IGSF11: variants seen among roughly 807,000 people sequenced by gnomAD.
IGSF11 encodes the protein immunoglobulin superfamily member 11.
A neutral mutation model predicts 41.0 loss-of-function variants in IGSF11; 22 were observed. The observed-to-expected ratio is 0.54, with a 90% CI of 0.38 to 0.77. IGSF11 has a LOEUF of 0.77. IGSF11 is among the 30% of genes least tolerant of loss of function. IGSF11 has a pLI of 0.00. For synonymous variants in IGSF11, 219 were observed against 201.3 expected, an observed-to-expected ratio of 1.09 and a Z score of -0.74; for missense variants, 444 against 530.8, an observed-to-expected ratio of 0.84 and a Z score of 1.61.
In IGSF11 at chr3:119,075,828, A is replaced by G. The variant is rs537774603; in HGVS notation, c.49+29316T>C. Among the ~76,000 whole-genome samples the G allele has an allele frequency of 2.0e-5, 3 of 152,336 alleles. No homozygotes were observed. In the East Asian group the frequency reaches 5.8e-4, roughly 29 times the overall value. On this transcript the variant is annotated intron_variant, in intron 1 of 6. Coordinates refer to the IGSF11 transcript ENST00000354673. ...AAGAATCAATATCGTGAAAATGGCCATACTGCCCAAGGTAATTTATAGATT... is the reference window on the plus strand; with the variant it reads ...AAGAATCAATATCGTGAAAATGGCCGTACTGCCCAAGGTAATTTATAGATT...
chr3:119,056,500 A>T (rs535799436), intron 1 of IGSF11, among the ~76,000 whole-genome samples: 1 of 152,330 alleles, frequency 6.6e-6, no homozygotes, highest in Admixed American at 6.5e-5. Flanking sequence ...AACCAAAAAA[A>T]GTCCAGGACC....
intron 1 of IGSF11, among the ~76,000 whole-genome samples, chr3:118,957,281 A>G (rs1313608591): frequency 6.6e-6 from 1 of 152,216 alleles, no homozygotes. Flanking sequence ...ACTTAGTCCA[A>G]CTACTCAAAT....
At chr3:118,913,778 G>A (rs140280822) in intron 4 of IGSF11, among the ~76,000 whole-genome samples, 198 of 152,248 alleles carry the variant, frequency 1.3e-3, no homozygotes, top group African/African-American at 3.6e-3. Context: ...ATACGTAAAC[G>A]ATGATGAAAA....
At chr3:119,058,178 G>C (rs1389111908) in intron 1 of IGSF11, among the ~76,000 whole-genome samples, 5 of 152,032 alleles carry the variant, frequency 3.3e-5, no homozygotes. Context: ...CCATCAGAGT[G>C]AACAGGCAAC....
Position 118,995,757 on chromosome 3 carries a change from A to G in IGSF11, c.52+38774T>C, listed in dbSNP as rs192330856. On this transcript the variant is annotated intron_variant, in intron 1 of 6. Coordinates refer to ENST00000393775, the MANE Select transcript of IGSF11 (RefSeq NM_001015887.3). The stretch of plus-strand genomic sequence containing the variant: ...AACCTCCACCTCCTGGGTTCAAGCG[A>G]TTCTCCTGCCTCAGCCTCCTGAGTA... Among the ~76,000 whole-genome samples the G allele has an allele frequency of 2.6e-3, 400 of 152,220 alleles. 1 individual carries two copies. The highest frequency in any genetic ancestry group is 8.9e-3 in the African/African-American group (371 of 41,538).
At chr3:119,003,978 A>C (rs1346857775) in intron 1 of IGSF11, among the ~76,000 whole-genome samples, 1 of 151,644 alleles carries the variant, frequency 6.6e-6, no homozygotes, top group Non-Finnish European at 1.5e-5. Context: ...TTGGCCTCAT[A>C]AAATGAGTTA....
intron 1 of IGSF11, among the ~76,000 whole-genome samples, chr3:119,033,499 A>G (rs76372346): frequency 0.011 from 1,668 of 152,346 alleles, 33 homozygotes; most frequent in East Asian, 0.061. Context: ...GAGAAGACAT[A>G]CAAAAAGTTT....
In IGSF11 at chr3:118,926,210, A is replaced by G; in HGVS notation, c.471T>C (p.Ile157=). The change falls in exon 4 of 7, where the codon ATT becomes ATC. Residue 157 remains isoleucine, a synonymous_variant. Transcript: ENST00000393775. ...TACAGAGCAGGATGACATCGCTGCC[A>G]ATATCCTGGGATCCTTGGATTTGGC... The part of the protein sequence containing the change: ...PHCQIQGSQD[I]GSDVILLCSS... 1 of 1,611,434 alleles carries G rather than the reference A, an allele frequency of 6.2e-7. No individual in the cohort carries two copies. The highest frequency in any genetic ancestry group is 8.5e-7 in the Non-Finnish European group (1 of 1,178,222).
chr3:119,130,379 T>C (rs1396053017), intron 1 of IGSF11, among the ~76,000 whole-genome samples: 1 of 152,202 alleles, frequency 6.6e-6, no homozygotes, highest in East Asian at 1.9e-4. Flanking sequence ...CCCATGGTCT[T>C]AGCAACGAGC....
chr3:118,902,457 A>AC lies in IGSF11; in HGVS notation c.*62dup. On this transcript the variant is annotated 3_prime_UTR_variant, in exon 7 of 7. Coordinates refer to ENST00000393775, the MANE Select transcript of IGSF11 (RefSeq NM_001015887.3). Reference sequence around the variant, plus strand: ...TTTCTTTCCCAGCACTCCCCACCCCACCCTCCCCCTTGTATGAGGGCATTC... The same window carrying AC: ...TTTCTTTCCCAGCACTCCCCACCCCACCCCTCCCCCTTGTATGAGGGCATTC... 4 of 294,460 alleles carry AC rather than the reference A, an allele frequency of 1.4e-5. No homozygotes were observed. The highest frequency in any genetic ancestry group is 2.0e-5 in the Non-Finnish European group (3 of 147,698). 18.2% of individuals were successfully genotyped at this position (294,460 alleles called of 1,614,324 possible).
chr3:118,969,669 C>G (rs1933151741), intron 1 of IGSF11, among the ~76,000 whole-genome samples: 2 of 152,170 alleles, frequency 1.3e-5, no homozygotes, highest in African/African-American at 2.4e-5. Context: ...TGAACTTAAT[C>G]TCTGTTTTAA....
chr3:119,045,952 A>G (rs1941331561), intron 1 of IGSF11, among the ~76,000 whole-genome samples: 2 of 151,948 alleles, frequency 1.3e-5, no homozygotes, highest in Admixed American at 1.3e-4. Flanking sequence ...TAGAAGGAAA[A>G]CTAACAAACA....
intron 6 of IGSF11, among the ~76,000 whole-genome samples, chr3:118,904,301 G>A (rs1005432028): frequency 6.6e-6 from 1 of 152,106 alleles, no homozygotes; most frequent in Admixed American, 6.5e-5. Context: ...CTTGCTTTAT[G>A]TTCACATCTA....
At chr3:119,056,968 T>C (rs1941866272) in intron 1 of IGSF11, among the ~76,000 whole-genome samples, 1 of 152,214 alleles carries the variant, frequency 6.6e-6, no homozygotes, top group Non-Finnish European at 1.5e-5. Context: ...TGATGGGATA[T>C]ATCTCAAAAT....
chr3:118,971,738 G>C (rs1256091862), intron 1 of IGSF11, among the ~76,000 whole-genome samples: 5 of 151,638 alleles, frequency 3.3e-5, no homozygotes, highest in Admixed American at 3.3e-4. Flanking sequence ...GGGAGGCAGA[G>C]GTTGAAGTGA....
chr3:119,001,141 T>C (rs1936787802), intron 1 of IGSF11, among the ~76,000 whole-genome samples: 1 of 151,850 alleles, frequency 6.6e-6, no homozygotes, highest in African/African-American at 2.4e-5. Context: ...TCAATTCGCC[T>C]ATATCCTTCA....
chr3:118,985,138 A>G (rs2107642527), intron 1 of IGSF11, among the ~76,000 whole-genome samples: 1 of 152,352 alleles, frequency 6.6e-6, no homozygotes, highest in Non-Finnish European at 1.5e-5. Context: ...AGCCACATTA[A>G]AATGCAGCTT....
intron 1 of IGSF11, among the ~76,000 whole-genome samples, chr3:119,134,395 T>C (rs901123803): frequency 2.0e-5 from 3 of 152,012 alleles, no homozygotes; most frequent in South Asian, 2.1e-4. Context: ...TGTGCAAAAA[T>C]CACAAGCATT....
chr3:119,026,301 G>A (rs1939819301), intron 1 of IGSF11, among the ~76,000 whole-genome samples: 1 of 151,964 alleles, frequency 6.6e-6, no homozygotes, highest in South Asian at 2.1e-4. Flanking sequence ...TTTATTGTCT[G>A]GCTAGTTGTC....
Sources: allele counts gnomAD v4.1 joint callset (sites outside exome capture counted in the v4.1 genomes callset), GRCh38; gene constraint gnomAD v4.1.1; transcripts MANE v1.5; gene names NCBI Gene and HGNC (gene_info 2026-07-23, HGNC 2026-07-21).